LRRC37A2: variants seen among roughly 807,000 people sequenced by gnomAD.
The protein encoded by LRRC37A2 is leucine-rich repeat-containing protein 37A2.
In LRRC37A2, 9 loss-of-function variants were observed where a neutral mutation model predicts 68.8. The ratio of observed to expected loss-of-function variants is 0.13; its 90% CI spans 0.08 to 0.23. The LOEUF (loss-of-function observed/expected upper bound fraction) is 0.23, where lower values mean the gene tolerates loss of function less well. Ranked by LOEUF, LRRC37A2 falls within the 10% of genes least tolerant of loss-of-function variation. LRRC37A2 has a pLI of 1.00. For synonymous variants in LRRC37A2, 63 were observed against 367.6 expected (o/e 0.17, Z 9.48); for missense variants, 168 against 950.4 (o/e 0.18, Z 10.82).
chr17:46,731,869 A>G, the LRRC37A2 span, among the ~76,000 whole-genome samples: 1 of 152,176 alleles, frequency 6.6e-6, no homozygotes, highest in Non-Finnish European at 1.5e-5. Context: ...TCTAGTTGGC[A>G]TGTATTTAAC....
the LRRC37A2 span, among the ~76,000 whole-genome samples, chr17:46,735,945 C>G: frequency 6.6e-6 from 1 of 151,748 alleles, no homozygotes; most frequent in Non-Finnish European, 1.5e-5. Context: ...GACTCTGTCT[C>G]AAAAAAAGAA....
chr17:46,926,049 CT>C, the LRRC37A2 span, among the ~76,000 whole-genome samples: 1 of 152,164 alleles, frequency 6.6e-6, no homozygotes, highest in Non-Finnish European at 1.5e-5. Context: ...ACAAGAAGCA[CT>C]ACATTTAACA....
the LRRC37A2 span, among the ~76,000 whole-genome samples, chr17:46,843,071 A>T: frequency 6.6e-6 from 1 of 152,258 alleles, no homozygotes; most frequent in African/African-American, 2.4e-5. Flanking sequence ...CAACCAGGCC[A>T]CATTAGACAC....
the LRRC37A2 span, among the ~76,000 whole-genome samples, chr17:46,867,296 G>A: frequency 2.0e-5 from 3 of 152,246 alleles, no homozygotes; most frequent in African/African-American, 7.2e-5. Context: ...TGCTCTCAGA[G>A]CATAGAGAGG....
chr17:46,552,745 TAAC>T (rs1392409990), intron 11 of LRRC37A2: 1 of 89,858 alleles, frequency 1.1e-5, no homozygotes, highest in Non-Finnish European at 2.6e-5. Context: ...AAGTACAATA[TAAC>T]AACTGTCAAC....
chr17:46,679,069 C>T, the LRRC37A2 span, among the ~76,000 whole-genome samples: 1 of 151,918 alleles, frequency 6.6e-6, no homozygotes, highest in Admixed American at 6.5e-5. Flanking sequence ...GAGAGCTTAC[C>T]TAAAGTATAG....
At chr17:47,043,514 T>G in the LRRC37A2 span, among the ~76,000 whole-genome samples, 1 of 138,932 alleles carries the variant, frequency 7.2e-6, no homozygotes, top group Non-Finnish European at 1.6e-5. Context: ...AAAAAAAAAA[T>G]GTGGTCTCTG....
the LRRC37A2 span, among the ~76,000 whole-genome samples, chr17:46,716,970 G>A: frequency 6.1e-4 from 92 of 151,966 alleles, no homozygotes; most frequent in East Asian, 0.012. Flanking sequence ...ATCCCTTTTT[G>A]TTGGACAATT....
chr17:46,675,536 A>G, the LRRC37A2 span, among the ~76,000 whole-genome samples: 1 of 102,748 alleles, frequency 9.7e-6, no homozygotes, highest in Non-Finnish European at 1.8e-5. Context: ...CTGAAATTGT[A>G]GATTTATCCC....
chr17:46,834,752 C>T, the LRRC37A2 span, among the ~76,000 whole-genome samples: 1 of 152,120 alleles, frequency 6.6e-6, no homozygotes, highest in Non-Finnish European at 1.5e-5. Flanking sequence ...AACTCAGCAC[C>T]CCTGTTATTC....
chr17:46,923,235 G>A, the LRRC37A2 span: 2 of 1,550,932 alleles, frequency 1.3e-6, no homozygotes, highest in East Asian at 2.4e-5. Context: ...AGGGCCGGTC[G>A]GGGAGCGGGC....
At chr17:47,000,110 ATAAAATAAAATAAAAT>A in the LRRC37A2 span, among the ~76,000 whole-genome samples, 5 of 142,414 alleles carry the variant, frequency 3.5e-5, no homozygotes, top group East Asian at 6.4e-4. Context: ...ATAAAATAAA[ATAAAATAAAATAAAAT>A]AAAATAAAAT....
chr17:46,521,804 G>A (rs2052325118), intron 4 of LRRC37A2, among the ~76,000 whole-genome samples: 1 of 45,160 alleles, frequency 2.2e-5, no homozygotes, highest in African/African-American at 8.6e-5. Flanking sequence ...TTCAAGGAAT[G>A]CCATGAGTAC....
chr17:46,751,675 AG>A, the LRRC37A2 span: 1 of 994,762 alleles, frequency 1.0e-6, no homozygotes, highest in Non-Finnish European at 1.5e-6. Flanking sequence ...ACACACCAAG[AG>A]GGTTCAGTAT....
At chr17:46,602,756 A>G in the LRRC37A2 span, among the ~76,000 whole-genome samples, 1 of 147,630 alleles carries the variant, frequency 6.8e-6, no homozygotes. Context: ...AATTATCCTG[A>G]CTATTTTTCT....
chr17:47,003,070 C>T, the LRRC37A2 span, among the ~76,000 whole-genome samples: 4 of 150,888 alleles, frequency 2.7e-5, no homozygotes, highest in Non-Finnish European at 4.4e-5. Flanking sequence ...AGCCCCCCGA[C>T]CCCCCCAACT....
At chr17:47,000,076 AAAAATAAAAT>A in the LRRC37A2 span, among the ~76,000 whole-genome samples, 5,312 of 25,268 alleles carry the variant, frequency 0.21, 859 homozygotes, top group African/African-American at 0.27. Context: ...AAATAAAATA[AAAAATAAAAT>A]AAAATAAAAT....
At chr17:46,742,134 T>C in the LRRC37A2 span, among the ~76,000 whole-genome samples, 1 of 152,224 alleles carries the variant, frequency 6.6e-6, no homozygotes, top group East Asian at 1.9e-4. Context: ...GTCTGTGTTA[T>C]CCAGTCAATA....
the LRRC37A2 span, among the ~76,000 whole-genome samples, chr17:46,893,481 C>T: frequency 3.9e-5 from 6 of 152,170 alleles, no homozygotes; most frequent in South Asian, 2.1e-4. Flanking sequence ...CTGTCTTTGC[C>T]CAGACTCTTT....
Sources: gnomAD v4.1 joint callset for allele counts (sites outside exome capture counted in the v4.1 genomes callset) on GRCh38, gnomAD v4.1.1 for gene constraint, MANE v1.5 for transcripts, NCBI Gene and HGNC (gene_info 2026-07-23, HGNC 2026-07-21) for gene names.